Variants in SPTBN1 observed in about 807,000 individuals in gnomAD.
SPTBN1 encodes spectrin beta, non-erythrocytic 1.
SPTBN1 carries 32 observed loss-of-function variants against 266.4 expected under a neutral mutation model. The observed-to-expected ratio is 0.12, with a 90% CI of 0.09 to 0.16. SPTBN1 has a LOEUF of 0.16. Ranked by LOEUF, SPTBN1 falls within the 10% of genes least tolerant of loss-of-function variation. The probability of loss-of-function intolerance (pLI) is 1.00; values close to 1 mark genes in which losing one functional copy is unlikely to be tolerated. For synonymous variants in SPTBN1, 1,336 were observed against 1,162.2 expected (o/e 1.15, Z -3.04); for missense variants, 2,296 against 3,067.1 (o/e 0.75, Z 5.94).
chr2:54,583,710 G>A (rs1274350534), intron 2 of SPTBN1, among the ~76,000 whole-genome samples: 1 of 152,110 alleles, frequency 6.6e-6, no homozygotes, highest in Non-Finnish European at 1.5e-5. Context: ...CCAGAAGAAA[G>A]ACATGAAAAT....
chr2:54,621,573 C>T (rs1026922687), intron 8 of SPTBN1, 61 bp downstream of exon 8: 3 of 1,353,036 alleles, frequency 2.2e-6, no homozygotes, highest in Non-Finnish European at 3.2e-6. Context: ...AGCCCTCATT[C>T]TCCCATGCAC....
intron 2 of SPTBN1, among the ~76,000 whole-genome samples, chr2:54,532,698 T>G (rs1408128112): frequency 6.6e-6 from 1 of 152,238 alleles, no homozygotes; most frequent in Non-Finnish European, 1.5e-5. Context: ...CTCTGACCAG[T>G]TGCCTTGGTA....
chr2:54,527,636 T>G (rs775991794), intron 2 of SPTBN1: 2 of 152,194 alleles, frequency 1.3e-5, no homozygotes, highest in Non-Finnish European at 2.9e-5. Context: ...TGGCTTTATT[T>G]TCTAGTGCAG....
intron 1 of SPTBN1, among the ~76,000 whole-genome samples, chr2:54,494,907 TG>T (rs1282788914): frequency 1.0e-5 from 1 of 99,330 alleles, no homozygotes; most frequent in Non-Finnish European, 1.9e-5. Context: ...TGAATAAAGC[TG>T]TTTTTTTTTA....
At chr2:54,504,769 T>A (rs1041493573) in intron 1 of SPTBN1, among the ~76,000 whole-genome samples, 10 of 152,166 alleles carry the variant, frequency 6.6e-5, no homozygotes, top group African/African-American at 2.2e-4. Flanking sequence ...GTTTTTTTTT[T>A]AATAAGCAAA....
chr2:54,603,324 A>AG (rs1008436878), intron 3 of SPTBN1, among the ~76,000 whole-genome samples: 1 of 152,120 alleles, frequency 6.6e-6, no homozygotes, highest in Non-Finnish European at 1.5e-5. Flanking sequence ...GCCAAACTGG[A>AG]GGGGTTTTTT....
At position 54,575,730 on chromosome 2, in the gene SPTBN1, A is replaced by G. The variant is rs552699703; in HGVS notation, c.149-23362A>G. ...AACATCTGTTATGATGCAATTAAGC[A>G]GTGACTCAGTGGCGTGAAGGCTCAG... On this transcript the variant is annotated intron_variant, in intron 2 of 35. Coordinates refer to ENST00000356805, the MANE Select transcript of SPTBN1 (RefSeq NM_003128.3). Among the ~76,000 whole-genome samples the G allele has an allele frequency of 5.3e-5, 8 of 152,374 alleles. No individual in the cohort carries two copies. In the South Asian group the frequency reaches 1.7e-3, roughly 32 times the overall value.
chr2:54,459,464 A>G (rs1693243023), intron 1 of SPTBN1, among the ~76,000 whole-genome samples: 1 of 152,214 alleles, frequency 6.6e-6, no homozygotes, highest in African/African-American at 2.4e-5. Flanking sequence ...TACATGTGGA[A>G]GTACTATTTT....
At chr2:54,640,631 A>G in intron 18 of SPTBN1, among the ~76,000 whole-genome samples, 1 of 150,010 alleles carries the variant, frequency 6.7e-6, no homozygotes, top group Non-Finnish European at 1.5e-5. Flanking sequence ...AGCTCACTAC[A>G]GCCCCCACCT....
Position 54,626,598 on chromosome 2 carries a change from G to A in SPTBN1, c.1644+364G>A, listed in dbSNP as rs546153877. Among the ~76,000 whole-genome samples the A allele has an allele frequency of 1.3e-5, 2 of 152,290 alleles. No homozygotes were observed. Among genetic ancestry groups the A allele is most frequent in the East Asian group, 3.9e-4 (2 of 5,182 alleles). On this transcript the variant is annotated intron_variant, in intron 12 of 35. Transcript: ENST00000356805. The surrounding 1 kb of genome is among the most constrained non-coding windows in gnomAD (Gnocchi z 4.7). ...TGGTACTACTTTGGGCAGGGGTCCCGGAGAGGTGGTATGGGGAGAAGGGAG... is the reference window on the plus strand; with the variant it reads ...TGGTACTACTTTGGGCAGGGGTCCCAGAGAGGTGGTATGGGGAGAAGGGAG...
At position 54,624,860 on chromosome 2, in the gene SPTBN1, G is replaced by T. The variant is rs1156276778; in HGVS notation, c.1239G>T (p.Glu413Asp). The change falls in exon 11 of 36, where the codon GAG (glutamate) becomes GAT (aspartate). Residue 413 changes from glutamate to aspartate, a missense_variant. By Grantham distance (45) the Glu-to-Asp change is conservative. Transcript: ENST00000356805. ...AAAGAGAACTGGCTTTGCGGAATGA[G>T]CTCATAAGACAGGAGAAACTGGAAC... ...EHERELALRN[E>D]LIRQEKLEQL... 6.2e-7 allele frequency: 1 copy of T among 1,614,106 alleles called. No homozygotes were observed. The highest frequency in any genetic ancestry group is 8.5e-7 in the Non-Finnish European group (1 of 1,180,044).
At chr2:54,655,250 A>T in intron 28 of SPTBN1, 42 bp downstream of exon 28, 1 of 1,603,820 alleles carries the variant, frequency 6.2e-7, no homozygotes, top group Non-Finnish European at 8.5e-7. Context: ...TGGCGTCAAG[A>T]TGTAAAATGA....
rs767123582 is a variant in SPTBN1, at chr2:54,526,611, C to T, written c.148+45C>T. 12 of 1,582,548 alleles carry T rather than the reference C, an allele frequency of 7.6e-6. No homozygotes were observed. In the South Asian group the frequency reaches 1.4e-4, roughly 18 times the overall value. ...CACAGAGGCCCAGGATGCCTAAAAT[C>T]AGGATGCCCCTTAAAATCATCCACC... is the stretch of plus-strand genomic sequence containing the variant. On this transcript the variant is annotated intron_variant, in intron 2 of 35. Transcript: ENST00000356805.
chr2:54,620,443 G>A (rs1256923374), intron 7 of SPTBN1, among the ~76,000 whole-genome samples: 7 of 142,750 alleles, frequency 4.9e-5, no homozygotes, highest in East Asian at 2.0e-4. Context: ...TAAGGAAGGC[G>A]TATTGGAAAT....
intron 17 of SPTBN1, among the ~76,000 whole-genome samples, chr2:54,636,678 A>C (rs1679165219): frequency 6.6e-6 from 1 of 152,254 alleles, no homozygotes. Context: ...GGTTTGGTGG[A>C]TAGAGGAGAG....
Position 54,664,303 on chromosome 2 carries a change from G to C in SPTBN1, c.6421-150G>C. On this transcript the variant is annotated intron_variant, in intron 32 of 35. Coordinates refer to ENST00000356805, the MANE Select transcript of SPTBN1 (RefSeq NM_003128.3). The surrounding 1 kb of genome is among the most constrained non-coding windows in gnomAD (Gnocchi z 5.6). ...CACCTTCTAATGTCCTTGATGTCCA[G>C]CTGGCTTTGTGGGTGTGCAATGGTT... The C allele has an allele frequency of 2.7e-6, 2 of 741,126 alleles. No homozygotes were observed. Among genetic ancestry groups the C allele is most frequent in the Non-Finnish European group, 4.5e-6 (2 of 445,258 alleles). The allele number at this position is 741,126 out of a possible 1,614,324, so 45.9% of individuals were successfully genotyped here. A position where few individuals can be genotyped will look rare whatever the true frequency, so the allele number is the denominator to read the frequency against.
intron 2 of SPTBN1, among the ~76,000 whole-genome samples, chr2:54,567,140 A>G (rs1285421105): frequency 2.0e-5 from 3 of 152,144 alleles, no homozygotes; most frequent in South Asian, 4.1e-4. Flanking sequence ...GCAAGTGGAG[A>G]AATAAACTTG....
chr2:54,622,646 A>G (rs1678070936), intron 9 of SPTBN1, among the ~76,000 whole-genome samples, 159 bp downstream of exon 9: 1 of 152,208 alleles, frequency 6.6e-6, no homozygotes, highest in African/African-American at 2.4e-5. Context: ...GCTGAGATTT[A>G]TGATAGATCA....
intron 1 of SPTBN1, among the ~76,000 whole-genome samples, chr2:54,469,887 A>C (rs1409433804): frequency 6.6e-6 from 1 of 152,108 alleles, no homozygotes; most frequent in Non-Finnish European, 1.5e-5. Context: ...CCTGGGGTGG[A>C]GTTGGGGAAG....
Sources: allele counts gnomAD v4.1 joint callset (sites outside exome capture counted in the v4.1 genomes callset), GRCh38; gene constraint gnomAD v4.1.1; non-coding constraint Gnocchi (gnomAD v3.1); transcripts MANE v1.5; gene names NCBI Gene and HGNC (gene_info 2026-07-23, HGNC 2026-07-21).